The following FDFT1 variants were observed in gnomAD, a reference collection of about 807,000 sequenced individuals.
The protein encoded by FDFT1 is squalene synthase.
In FDFT1, 68 loss-of-function variants were observed where a neutral mutation model predicts 46.8. The ratio of observed to expected loss-of-function variants is 1.45; its 90% CI spans 1.19 to 1.78. The LOEUF (loss-of-function observed/expected upper bound fraction) is 1.78. FDFT1 is among the 40% of genes most tolerant of loss of function. The pLI is 0.00. For missense variants in FDFT1, 928 were observed against 524.4 expected (o/e 1.77, Z -7.52); for synonymous variants, 351 against 185.1 (o/e 1.90, Z -7.28).
At chr8:11,811,809 A>T (rs543049296) in intron 3 of FDFT1, among the ~76,000 whole-genome samples, 2 of 152,314 alleles carry the variant, frequency 1.3e-5, no homozygotes, top group South Asian at 4.1e-4. Flanking sequence ...ATGAAGATGT[A>T]CTAAGTTGTG....
rs113417965 is a variant in FDFT1 at position 11,827,440 on chromosome 8, C to T, written c.702+1225C>T. 2.7e-3 allele frequency among the ~76,000 whole-genome samples: 413 copies of T among 150,812 alleles called. 3 individuals carry two copies. Among genetic ancestry groups the T allele is most frequent in the Middle Eastern group, 0.014 (4 of 292 alleles). On this transcript the variant is annotated intron_variant, in intron 5 of 7. Transcript: ENST00000220584. ...GGCTAAGGCACAAGGATCCCTTGAG[C>T]GCAGGAGCTCAAGGTTGGATTGAGT...
At chr8:11,805,278 C>G (rs1806688709) in intron 1 of FDFT1, among the ~76,000 whole-genome samples, 1 of 152,184 alleles carries the variant, frequency 6.6e-6, no homozygotes, top group Non-Finnish European at 1.5e-5. Flanking sequence ...CTGATTATTT[C>G]TATCACAGAA....
At chr8:11,796,032 A>T (rs1271452690) in intron 1 of FDFT1, 2 of 152,242 alleles carry the variant, frequency 1.3e-5, no homozygotes, top group African/African-American at 2.4e-5. Context: ...GGTTTAGTTC[A>T]TGAGTTGGGG....
intron 1 of FDFT1, chr8:11,808,429 A>G (rs988866603): frequency 2.1e-5 from 27 of 1,259,946 alleles, no homozygotes; most frequent in Non-Finnish European, 2.5e-5. Context: ...GTATTCGAGT[A>G]GAGGGCGAGC....
intron 7 of FDFT1, 39 bp downstream of exon 7, chr8:11,831,709 C>G (rs779740484): frequency 2.0e-6 from 3 of 1,530,810 alleles, no homozygotes; most frequent in Non-Finnish European, 2.7e-6. Flanking sequence ...TTTGTAGCTA[C>G]TTTTATGATT....
chr8:11,810,126 C>T (rs1030096150), intron 3 of FDFT1: 2 of 404,436 alleles, frequency 4.9e-6, no homozygotes, highest in African/African-American at 2.0e-5. Flanking sequence ...ACACCTACCT[C>T]ATGGTATTCT....
chr8:11,809,365 G>A (rs964274789), intron 2 of FDFT1: 5 of 1,129,678 alleles, frequency 4.4e-6, no homozygotes, highest in Non-Finnish European at 5.4e-6. Flanking sequence ...ATATTAGTTC[G>A]GTCTAAACGT....
chr8:11,837,538 C>T (rs1204432201), intron 7 of FDFT1, among the ~76,000 whole-genome samples: 6 of 152,134 alleles, frequency 3.9e-5, no homozygotes, highest in African/African-American at 9.7e-5. Flanking sequence ...GGCCCGGCAA[C>T]TGTTACTAGA....
intron 3 of FDFT1, among the ~76,000 whole-genome samples, chr8:11,810,992 G>A (rs1482705519): frequency 6.7e-6 from 1 of 148,902 alleles, no homozygotes; most frequent in Non-Finnish European, 1.5e-5. Flanking sequence ...CGGTGCAAAG[G>A]CTGTTTCAGA....
chr8:11,809,335 C>T (rs1807377774), intron 2 of FDFT1: 12 of 1,094,290 alleles, frequency 1.1e-5, no homozygotes, highest in Non-Finnish European at 1.1e-5. Flanking sequence ...TGTTTTTTGA[C>T]TTTCTTTTCT....
chr8:11,834,662 T>C (rs939992511), intron 7 of FDFT1, among the ~76,000 whole-genome samples: 2 of 152,236 alleles, frequency 1.3e-5, no homozygotes, highest in African/African-American at 4.8e-5. Flanking sequence ...TAGATGTTCA[T>C]AGACAAGAGT....
At position 11,802,751 on chromosome 8, in the gene FDFT1, C is replaced by G. The variant is rs1044069439; in HGVS notation, c.-82C>G. 3.6e-6 allele frequency: 4 copies of G among 1,102,084 alleles called. No individual in the cohort carries two copies. The highest frequency in any genetic ancestry group is 2.0e-5 in the Admixed American group (1 of 50,060). The allele number at this position is 1,102,084 out of a possible 1,614,324, so 68.3% of individuals were successfully genotyped here. A position where few individuals can be genotyped will look rare whatever the true frequency, so the allele number is the denominator to read the frequency against. On this transcript the variant is annotated 5_prime_UTR_variant, in exon 1 of 8. Transcript: ENST00000220584. ...TCCGGCCAGCCCCTCGAAGCACCTA[C>G]TCCACAGGTCCAGCCGGCCGGTGAG...
intron 5 of FDFT1, among the ~76,000 whole-genome samples, chr8:11,827,776 C>T (rs1444622252): frequency 1.3e-5 from 2 of 152,062 alleles, no homozygotes; most frequent in African/African-American, 2.4e-5. Flanking sequence ...GGCAAGGTGG[C>T]TCACGCCTGT....
chr8:11,836,676 A>G (rs1452779782), intron 7 of FDFT1, among the ~76,000 whole-genome samples: 1 of 152,272 alleles, frequency 6.6e-6, no homozygotes. Context: ...CAACATGGGC[A>G]GGCAGAAGGA....
chr8:11,821,690 C>G, intron 3 of FDFT1, 60 bp from the exon 4 acceptor site: 4 of 1,584,020 alleles, frequency 2.5e-6, no homozygotes, highest in Non-Finnish European at 2.6e-6. Context: ...GCCTTGTGAT[C>G]TTTGGTGCCA....
At chr8:11,798,996 G>C (rs1000935119), upstream of FDFT1, among the ~76,000 whole-genome samples, 7 of 152,306 alleles carry the variant, frequency 4.6e-5, no homozygotes, top group Middle Eastern at 6.8e-3. Context: ...ATGCTGACTG[G>C]GTTGGCTAAA....
At chr8:11,828,388 G>A (rs1185815234) in intron 5 of FDFT1, among the ~76,000 whole-genome samples, 1 of 152,228 alleles carries the variant, frequency 6.6e-6, no homozygotes, top group African/African-American at 2.4e-5. Context: ...AGCCAGGGTT[G>A]AGAAACCACT....
intron 7 of FDFT1, among the ~76,000 whole-genome samples, chr8:11,832,696 AT>A (rs1811006351): frequency 6.6e-6 from 1 of 151,808 alleles, no homozygotes; most frequent in African/African-American, 2.4e-5. Context: ...GTCTGGAGAC[AT>A]TTTTGATTGT....
At chr8:11,805,164 A>G (rs1306807377) in intron 1 of FDFT1, among the ~76,000 whole-genome samples, 1 of 146,010 alleles carries the variant, frequency 6.8e-6, no homozygotes, top group Non-Finnish European at 1.5e-5. Context: ...CGATTTTCCC[A>G]CCTCAGCCTT....
Sources: allele counts gnomAD v4.1 joint callset (sites outside exome capture counted in the v4.1 genomes callset), GRCh38; gene constraint gnomAD v4.1.1; transcripts MANE v1.5; gene names NCBI Gene and HGNC (gene_info 2026-07-23, HGNC 2026-07-21).